The following ZNF280C variants were observed in gnomAD, a reference collection of about 807,000 sequenced individuals.
ZNF280C encodes the protein zinc finger protein 280C.
A neutral mutation model predicts 53.6 loss-of-function variants in ZNF280C; 14 were observed. The observed-to-expected ratio is 0.26, with a 90% CI of 0.17 to 0.41. The LOEUF is 0.41. ZNF280C is among the 10% of genes least tolerant of loss of function. ZNF280C has a pLI of 1.00. For synonymous variants in ZNF280C, 203 were observed against 181.1 expected, an observed-to-expected ratio of 1.12 and a Z score of -0.97; for missense variants, 416 against 547.1, an observed-to-expected ratio of 0.76 and a Z score of 2.39.
intron 2 of ZNF280C, among the ~76,000 whole-genome samples, chrX:130,259,787 C>G (rs1455850637): frequency 9.6e-6 from 1 of 104,060 alleles, no homozygotes; most frequent in Admixed American, 1.1e-4. Flanking sequence ...GAGGTCAGTT[C>G]GAGACCACTC....
intron 8 of ZNF280C, 31 bp downstream of exon 8, chrX:130,236,183 T>G: frequency 9.8e-7 from 1 of 1,024,878 alleles, no homozygotes; most frequent in Middle Eastern, 3.1e-4. Flanking sequence ...ATAAAACATT[T>G]TTAACAATTG....
In ZNF280C at chrX:130,203,210, AAAGAG is replaced by A. The variant is rs1418280720; in HGVS notation, c.*1762_*1766del. 4 of 112,033 alleles carry A rather than the reference AAAGAG, an allele frequency of 3.6e-5. No individual in the cohort carries two copies. The highest frequency in any genetic ancestry group is 9.5e-5 in the Admixed American group (1 of 10,489). The allele number at this position is 112,033 out of a possible 1,213,427, so 9.2% of individuals were successfully genotyped here. A position where few individuals can be genotyped will look rare whatever the true frequency, so the allele number is the denominator to read the frequency against. ...TTTGTAATAAGAACAAAACAAACACAAAGAGAAGAGTTCAAAAGTAGACATAAAAT... is the reference window on the plus strand; with the variant it reads ...TTTGTAATAAGAACAAAACAAACACAAAGAGTTCAAAAGTAGACATAAAAT... On this transcript the variant is annotated 3_prime_UTR_variant, in exon 19 of 19. Transcript: ENST00000370978.
intron 2 of ZNF280C, among the ~76,000 whole-genome samples, chrX:130,252,401 A>G (rs1049305298): frequency 9.0e-6 from 1 of 111,564 alleles, no homozygotes; most frequent in Non-Finnish European, 1.9e-5. Flanking sequence ...GCTATCAATA[A>G]AATTCAACAC....
intron 5 of ZNF280C, among the ~76,000 whole-genome samples, chrX:130,242,194 G>A (rs1176600139): frequency 3.6e-5 from 4 of 109,849 alleles, no homozygotes; most frequent in Non-Finnish European, 5.7e-5. Flanking sequence ...AGAGAGCTGA[G>A]ATCACATGAC....
rs752286080 is a variant in ZNF280C at position 130,244,711 on chromosome X, G to C, written c.179-846C>G. Among the ~76,000 whole-genome samples the C allele has an allele frequency of 1.7e-4, 18 of 106,240 alleles. No homozygotes were observed. In the East Asian group the frequency reaches 5.3e-3, roughly 31 times the overall value. 92.3% of individuals were successfully genotyped at this position (106,240 alleles called of 115,157 possible). A position where few individuals can be genotyped will look rare whatever the true frequency, so the allele number is the denominator to read the frequency against. Reference sequence around the variant, plus strand: ...GAGAATGGTGTGAACCCGGGAGGTGGAGCTTGCAGTGAGCCGAGATCGTGC... The same window carrying C: ...GAGAATGGTGTGAACCCGGGAGGTGCAGCTTGCAGTGAGCCGAGATCGTGC... On this transcript the variant is annotated intron_variant, in intron 3 of 18. Transcript: ENST00000370978.
intron 8 of ZNF280C, among the ~76,000 whole-genome samples, chrX:130,233,574 A>G (rs183180737): frequency 9.7e-6 from 1 of 103,084 alleles, no homozygotes; most frequent in African/African-American, 3.6e-5. Context: ...GTCAGCCGAG[A>G]TTACACCATT....
intron 12 of ZNF280C, among the ~76,000 whole-genome samples, chrX:130,222,732 T>C (rs978928822): frequency 2.7e-5 from 3 of 112,177 alleles, no homozygotes; most frequent in African/African-American, 9.7e-5. Flanking sequence ...TGGCACAACC[T>C]CGGCTCACTG....
chrX:130,251,546 T>A (rs2032510509), intron 2 of ZNF280C, among the ~76,000 whole-genome samples: 1 of 110,755 alleles, frequency 9.0e-6, no homozygotes, highest in Non-Finnish European at 1.9e-5. Context: ...TCCAAAGTAT[T>A]AAGCATTAAA....
At chrX:130,206,144 T>A (rs1039400377) in intron 16 of ZNF280C, among the ~76,000 whole-genome samples, 19 of 110,819 alleles carry the variant, frequency 1.7e-4, no homozygotes, top group Non-Finnish European at 3.2e-4. Flanking sequence ...ATTGTAGATA[T>A]AACAGTAAAC....
chrX:130,205,907 G>A (rs1264422488), intron 16 of ZNF280C, among the ~76,000 whole-genome samples: 1 of 109,318 alleles, frequency 9.1e-6, no homozygotes, highest in Non-Finnish European at 1.9e-5. Context: ...AAAGAAAATG[G>A]CATCGCCATA....
intron 2 of ZNF280C, among the ~76,000 whole-genome samples, chrX:130,258,707 C>A (rs771655434): frequency 8.9e-6 from 1 of 111,956 alleles, no homozygotes; most frequent in Non-Finnish European, 1.9e-5. Flanking sequence ...TTGAAAATAC[C>A]GCACTCATTG....
intron 13 of ZNF280C, among the ~76,000 whole-genome samples, chrX:130,216,779 A>G (rs1158009757): frequency 2.7e-5 from 3 of 111,621 alleles, no homozygotes; most frequent in Non-Finnish European, 3.8e-5. Flanking sequence ...TGGGCGGATC[A>G]CTTGAGGTAA....
In ZNF280C at chrX:130,209,547, A is replaced by T; in HGVS notation, c.2042+106T>A. The T allele has an allele frequency of 5.4e-6, 4 of 746,104 alleles. No homozygotes were observed. In the East Asian group the frequency reaches 9.8e-5, roughly 18 times the overall value. 61.5% of individuals were successfully genotyped at this position (746,104 alleles called of 1,213,427 possible). On this transcript the variant is annotated intron_variant, in intron 16 of 18. Coordinates refer to ENST00000370978, the MANE Select transcript of ZNF280C (RefSeq NM_017666.5). ...ATCCCTCCAACTTTGGTCCAAGGAC[A>T]TAATAAACAGAACTCTATCATTTCC...
intron 8 of ZNF280C, among the ~76,000 whole-genome samples, chrX:130,235,661 A>C (rs1233223044): frequency 8.9e-6 from 1 of 112,828 alleles, no homozygotes; most frequent in Non-Finnish European, 1.9e-5. Flanking sequence ...TGTAATGATC[A>C]AATCAGGATG....
intron 2 of ZNF280C, among the ~76,000 whole-genome samples, chrX:130,259,860 G>A (rs1321959832): frequency 9.0e-6 from 1 of 110,912 alleles, no homozygotes; most frequent in African/African-American, 3.3e-5. Flanking sequence ...CATGGTGGCG[G>A]GTGCCTGTAA....
chrX:130,265,215 T>C (rs1448005021), intron 1 of ZNF280C, among the ~76,000 whole-genome samples: 1 of 112,196 alleles, frequency 8.9e-6, no homozygotes. Context: ...AGAAAATAGC[T>C]GGTTTACACT....
At chrX:130,228,352 C>T (rs745555348) in intron 10 of ZNF280C, among the ~76,000 whole-genome samples, 4 of 108,058 alleles carry the variant, frequency 3.7e-5, no homozygotes, top group East Asian at 3.0e-4. Flanking sequence ...GGTGCCATCT[C>T]GGCTCACCGC....
At chrX:130,239,765 A>G (rs928386076) in intron 5 of ZNF280C, 72 bp from the exon 6 acceptor site, 8 of 551,653 alleles carry the variant, frequency 1.5e-5, no homozygotes, top group Non-Finnish European at 2.3e-5. Context: ...TCAATACTAT[A>G]AAGAATCTTA....
At chrX:130,239,085 G>T (rs923241876) in intron 6 of ZNF280C, among the ~76,000 whole-genome samples, 1 of 111,405 alleles carries the variant, frequency 9.0e-6, no homozygotes, top group African/African-American at 3.2e-5. Context: ...TTACCATGTG[G>T]AAATCACTGT....
Sources: allele counts gnomAD v4.1 joint callset (sites outside exome capture counted in the v4.1 genomes callset), GRCh38; gene constraint gnomAD v4.1.1; transcripts MANE v1.5; gene names NCBI Gene and HGNC (gene_info 2026-07-23, HGNC 2026-07-21).